ZNF169: variants seen among roughly 807,000 people sequenced by gnomAD.
ZNF169 encodes the protein zinc finger protein 169.
In ZNF169, 11 loss-of-function variants were observed where a neutral mutation model predicts 12.0. The ratio of observed to expected loss-of-function variants is 0.92; its 90% CI spans 0.58 to 1.52. The LOEUF (loss-of-function observed/expected upper bound fraction) is 1.52. ZNF169 is among the 40% of genes most tolerant of loss of function. ZNF169 has a pLI of 0.00. For missense variants in ZNF169, 722 were observed against 744.0 expected (o/e 0.97, Z 0.34); for synonymous variants, 302 against 286.5 (o/e 1.05, Z -0.55).
chr9:94,300,926 G>T lies in ZNF169; in HGVS notation c.1368G>T (p.Lys456Asn). The T allele has an allele frequency of 6.2e-7, 1 of 1,614,000 alleles. No homozygotes were observed. The highest frequency in any genetic ancestry group is 1.3e-5 in the African/African-American group (1 of 75,028). The change falls in exon 5 of 5, where the codon AAG becomes AAT. Residue 456 changes from lysine to asparagine, a missense_variant. Physicochemically the swap from Lys to Asn is moderately conservative, Grantham distance 94. Coordinates refer to ENST00000395395, the MANE Select transcript of ZNF169 (RefSeq NM_194320.4). Reference sequence around the variant, plus strand: ...ACCAGAGGACACACACAGGGGAGAAGCCCTACCTGTGCCCTGATTGTGGGC... The same window carrying T: ...ACCAGAGGACACACACAGGGGAGAATCCCTACCTGTGCCCTGATTGTGGGC... ...IGHQRTHTGE[K>N]PYLCPDCGRG...
chr9:94,282,167 G>A (rs1285790236), intron 2 of ZNF169, among the ~76,000 whole-genome samples: 1 of 152,058 alleles, frequency 6.6e-6, no homozygotes, highest in Non-Finnish European at 1.5e-5. Context: ...AGTAAGCCAC[G>A]ATATATAGGG....
intron 2 of ZNF169, among the ~76,000 whole-genome samples, chr9:94,281,792 T>C (rs7020359): frequency 0.076 from 11,545 of 152,222 alleles, 603 homozygotes; most frequent in Middle Eastern, 0.13. Context: ...TGGTTGACGG[T>C]TGAGTTTGTC....
At chr9:94,275,154 T>A (rs1468716591) in intron 1 of ZNF169, among the ~76,000 whole-genome samples, 1 of 152,176 alleles carries the variant, frequency 6.6e-6, no homozygotes, top group African/African-American at 2.4e-5. Flanking sequence ...AGAGGATTGC[T>A]TGAGCCCAGG....
chr9:94,278,846 G>GT lies in ZNF169; in HGVS notation c.33+2dup. On this transcript the variant is annotated splice_donor_variant, in intron 2 of 4. Transcript: ENST00000395395. LOFTEE classifies it high-confidence loss of function. ...AGGACTCCTGACAACCAGGAAGGAGGTAAGTCCTGAAATTTCTTCCTAGCT... is the reference window on the plus strand; with the variant it reads ...AGGACTCCTGACAACCAGGAAGGAGGTTAAGTCCTGAAATTTCTTCCTAGCT... The GT allele has an allele frequency of 6.2e-7, 1 of 1,613,912 alleles. No homozygotes were observed. The highest frequency in any genetic ancestry group is 2.2e-5 in the East Asian group (1 of 44,886).
rs116067235 is a variant in ZNF169, at chr9:94,266,347, G to A, written c.-56+7002G>A. 3.4e-3 allele frequency among the ~76,000 whole-genome samples: 522 copies of A among 152,232 alleles called. 6 individuals are homozygous for A. Among genetic ancestry groups the A allele is most frequent in the African/African-American group, 0.012 (494 of 41,516 alleles). ...TGTCACAAGAATTGTAGGGAGATGG[G>A]GCATTATAATCTTTCTGGCTACTTC... On this transcript the variant is annotated intron_variant, in intron 1 of 4. Transcript: ENST00000395395.
At chr9:94,267,238 T>C (rs78690897) in intron 1 of ZNF169, among the ~76,000 whole-genome samples, 3,872 of 152,298 alleles carry the variant, frequency 0.025, 159 homozygotes, top group African/African-American at 0.088. Flanking sequence ...CTGGGGTTCA[T>C]GGACTGTCAG....
chr9:94,268,220 G>A (rs1830328000), intron 1 of ZNF169, among the ~76,000 whole-genome samples: 1 of 151,966 alleles, frequency 6.6e-6, no homozygotes, highest in Admixed American at 6.6e-5. Context: ...GTTTATGGAT[G>A]ACAAAAAGTT....
intron 1 of ZNF169, among the ~76,000 whole-genome samples, chr9:94,270,353 T>C (rs1830366583): frequency 6.6e-6 from 1 of 151,946 alleles, no homozygotes; most frequent in African/African-American, 2.4e-5. Flanking sequence ...TCACTTCTTT[T>C]CTACTCTTTC....
Position 94,301,213 on chromosome 9 carries a change from G to A in ZNF169, c.1655G>A (p.Gly552Asp), listed in dbSNP as rs540378819. 1.7e-5 allele frequency: 27 copies of A among 1,614,140 alleles called. 1 individual carries two copies. In the Admixed American group the frequency reaches 4.0e-4, roughly 24 times the overall value. The change falls in exon 5 of 5, where the codon GGC (glycine) becomes GAC (aspartate). Residue 552 changes from glycine to aspartate, a missense_variant. By Grantham distance (94) the Gly-to-Asp change is moderately conservative. Coordinates refer to ENST00000395395, the MANE Select transcript of ZNF169 (RefSeq NM_194320.4). ...TGCGATGAATGTGGGCGCGGCTTTG[G>A]CTTTAAGTCTGCCCTCATCCGACAT... The part of the protein sequence containing the change: ...CICDECGRGF[G>D]FKSALIRHQR...
chr9:94,292,927 T>G (rs1195958018), intron 3 of ZNF169, 47 bp from the exon 4 acceptor site: 2 of 1,537,716 alleles, frequency 1.3e-6, no homozygotes, highest in Non-Finnish European at 8.9e-7. Context: ...GATAGCCTCT[T>G]AAGCCACTAA....
chr9:94,271,607 C>T (rs1364810090), intron 1 of ZNF169, among the ~76,000 whole-genome samples: 1 of 150,522 alleles, frequency 6.6e-6, no homozygotes, highest in African/African-American at 2.4e-5. Context: ...GTAGTCCCAG[C>T]TACTTGGGAG....
rs1831028304 is a variant in ZNF169 at position 94,300,109 on chromosome 9, C to T, written c.551C>T (p.Thr184Ile). ...GTAGAAGGGAACAGAGAAGGAGGAA[C>T]AGACCTTCGCCTGGCCCAAAGGATG... Reference protein sequence around the residue: ...EWVEGNREGGTDLRLAQRMSL... With the variant: ...EWVEGNREGGIDLRLAQRMSL... The change falls in exon 5 of 5, where the codon ACA (threonine) becomes ATA (isoleucine). Residue 184 changes from threonine (T) to isoleucine (I), a missense_variant. Thr to Ile is a moderately conservative substitution (Grantham distance 89). Transcript: ENST00000395395. The T allele has an allele frequency of 9.3e-6, 15 of 1,614,184 alleles. No homozygotes were observed. The East Asian group carries it at 3.1e-4, about 34-fold the overall frequency.
At chr9:94,292,631 G>GTC in intron 3 of ZNF169, 164 bp downstream of exon 3, 1 of 856,768 alleles carries the variant, frequency 1.2e-6, no homozygotes, top group Non-Finnish European at 1.8e-6. Flanking sequence ...GTGTGTGTGT[G>GTC]TGTGTGTGTG....
intron 4 of ZNF169, among the ~76,000 whole-genome samples, chr9:94,296,277 A>G (rs1298096162): frequency 6.6e-6 from 1 of 152,202 alleles, no homozygotes; most frequent in Non-Finnish European, 1.5e-5. Context: ...GTAGAAGTCC[A>G]TTATCAGATA....
chr9:94,280,468 A>C (rs943035437), intron 2 of ZNF169, among the ~76,000 whole-genome samples: 4 of 152,154 alleles, frequency 2.6e-5, no homozygotes, highest in African/African-American at 7.2e-5. Context: ...TCTGTGACCA[A>C]CTTCTCTCAA....
intron 4 of ZNF169, chr9:94,296,939 C>T (rs1395706230): frequency 8.0e-5 from 32 of 399,664 alleles, no homozygotes; most frequent in South Asian, 2.4e-4. Flanking sequence ...CACAGCTACT[C>T]GGGAGGCTGA....
At chr9:94,299,790 C>A in intron 4 of ZNF169, 25 bp from the exon 5 acceptor site, 1 of 1,586,088 alleles carries the variant, frequency 6.3e-7, no homozygotes, top group South Asian at 1.2e-5. Context: ...TGTGGTGATT[C>A]TGACCAAGAC....
At chr9:94,281,549 A>G (rs1830631621) in intron 2 of ZNF169, among the ~76,000 whole-genome samples, 1 of 152,200 alleles carries the variant, frequency 6.6e-6, no homozygotes, top group Non-Finnish European at 1.5e-5. Context: ...TCTGTAAAAT[A>G]TTTTTAGAGT....
At chr9:94,294,158 G>A (rs930532362) in intron 4 of ZNF169, 4 of 152,028 alleles carry the variant, frequency 2.6e-5, no homozygotes, top group African/African-American at 7.3e-5. Context: ...AATATATACC[G>A]GCCAGGTGCA....
Sources: gnomAD v4.1 joint callset for allele counts (sites outside exome capture counted in the v4.1 genomes callset) on GRCh38, gnomAD v4.1.1 for gene constraint, MANE v1.5 for transcripts, NCBI Gene and HGNC (gene_info 2026-07-23, HGNC 2026-07-21) for gene names.